Variants in MCC observed in about 807,000 individuals in gnomAD.
MCC encodes colorectal mutant cancer protein.
A neutral mutation model predicts 116.2 loss-of-function variants in MCC; 90 were observed. That is an observed-to-expected ratio of 0.77 (90% CI 0.65 to 0.92). The LOEUF is 0.92. Ranked by LOEUF, MCC falls within the 40% of genes least tolerant of loss-of-function variation. The pLI is 0.00. For missense variants in MCC, 1,516 were observed against 1,312.2 expected, an observed-to-expected ratio of 1.16 and a Z score of -2.40; for synonymous variants, 578 against 510.5, an observed-to-expected ratio of 1.13 and a Z score of -1.78.
intron 1 of MCC, among the ~76,000 whole-genome samples, chr5:113,484,588 C>G (rs1396913027): frequency 6.6e-6 from 1 of 152,124 alleles, no homozygotes; most frequent in Non-Finnish European, 1.5e-5. Context: ...TGAAAGAAAG[C>G]AATCAGTACT....
At chr5:113,196,651 C>A (rs896665550) in intron 3 of MCC, among the ~76,000 whole-genome samples, 1 of 152,116 alleles carries the variant, frequency 6.6e-6, no homozygotes, top group African/African-American at 2.4e-5. Flanking sequence ...AGATCGAGAC[C>A]ATCCTGGCTA....
intron 6 of MCC, among the ~76,000 whole-genome samples, chr5:113,114,738 G>T (rs1470671555): frequency 6.6e-6 from 1 of 152,276 alleles, no homozygotes; most frequent in African/African-American, 2.4e-5. Flanking sequence ...CTTCGGAGAG[G>T]AGTCTGGCTG....
chr5:113,141,156 C>T (rs937425149), intron 5 of MCC, among the ~76,000 whole-genome samples: 1 of 152,158 alleles, frequency 6.6e-6, no homozygotes. Flanking sequence ...TTCTCCTGCC[C>T]GTGGACATCA....
chr5:113,206,580 A>G (rs1762920183), intron 3 of MCC, among the ~76,000 whole-genome samples: 1 of 152,144 alleles, frequency 6.6e-6, no homozygotes, highest in South Asian at 2.1e-4. Context: ...ATGGTGGTTC[A>G]TGCCTGTAAT....
intron 1 of MCC, among the ~76,000 whole-genome samples, chr5:113,444,595 C>T (rs558960557): frequency 5.3e-5 from 8 of 152,292 alleles, no homozygotes; most frequent in South Asian, 2.1e-4. Flanking sequence ...TCGCCACCTA[C>T]GTGGTATTTG....
At chr5:113,116,009 G>A (rs1334382038) in intron 6 of MCC, among the ~76,000 whole-genome samples, 4 of 152,152 alleles carry the variant, frequency 2.6e-5, no homozygotes, top group African/African-American at 9.7e-5. Flanking sequence ...ACTGACCACA[G>A]CCCAGCTCTC....
chr5:113,219,811 C>T (rs1275258134), intron 3 of MCC, among the ~76,000 whole-genome samples: 3 of 152,196 alleles, frequency 2.0e-5, no homozygotes, highest in East Asian at 3.9e-4. Flanking sequence ...TCCTCTTCAT[C>T]CAGTCCAACC....
At chr5:113,305,059 GAGTC>G (rs149041679) in intron 3 of MCC, among the ~76,000 whole-genome samples, 2,471 of 152,036 alleles carry the variant, frequency 0.016, 75 homozygotes, top group African/African-American at 0.056. Context: ...AATAATAAAG[GAGTC>G]AGTTAACCTG....
intron 3 of MCC, among the ~76,000 whole-genome samples, chr5:113,261,526 A>G (rs1765218243): frequency 6.6e-6 from 1 of 152,170 alleles, no homozygotes; most frequent in Admixed American, 6.6e-5. Flanking sequence ...CAAAACTCGT[A>G]CCCAGAGGGC....
At chr5:113,326,525 C>T (rs1581401059) in intron 3 of MCC, among the ~76,000 whole-genome samples, 1 of 152,168 alleles carries the variant, frequency 6.6e-6, no homozygotes, top group East Asian at 1.9e-4. Flanking sequence ...CCCTTTAGCT[C>T]ATTTATAAGG....
At chr5:113,254,940 G>T (rs1396242367) in intron 3 of MCC, among the ~76,000 whole-genome samples, 1 of 152,138 alleles carries the variant, frequency 6.6e-6, no homozygotes. Flanking sequence ...CGAGGTGGGT[G>T]GATCACCTGA....
chr5:113,068,802 C>G (rs1216458362), intron 12 of MCC, among the ~76,000 whole-genome samples: 1 of 152,218 alleles, frequency 6.6e-6, no homozygotes, highest in Non-Finnish European at 1.5e-5. Context: ...TAGAGCAGAT[C>G]CTCCAATCCC....
At chr5:113,169,314 C>T (rs1417568271) in intron 3 of MCC, among the ~76,000 whole-genome samples, 3 of 152,056 alleles carry the variant, frequency 2.0e-5, no homozygotes, top group Admixed American at 6.6e-5. Flanking sequence ...TAATAATAAG[C>T]AAATTAACAT....
At chr5:113,362,047 C>T (rs982531875) in intron 2 of MCC, among the ~76,000 whole-genome samples, 14 of 152,222 alleles carry the variant, frequency 9.2e-5, no homozygotes, top group African/African-American at 3.1e-4. Context: ...TGAGCCAATT[C>T]TCATATTAAA....
At chr5:113,382,812 C>T (rs1323650283) in intron 2 of MCC, among the ~76,000 whole-genome samples, 1 of 152,098 alleles carries the variant, frequency 6.6e-6, no homozygotes, top group Admixed American at 6.5e-5. Flanking sequence ...TGTCTAGTGT[C>T]ATGTAGACAG....
chr5:113,391,620 A>T (rs542414029), intron 1 of MCC, among the ~76,000 whole-genome samples: 19 of 152,272 alleles, frequency 1.2e-4, no homozygotes, highest in African/African-American at 3.1e-4. Flanking sequence ...TGGAAGGCTA[A>T]GGCAGGAAGG....
chr5:113,044,062 T>C (rs1001725781), intron 16 of MCC, among the ~76,000 whole-genome samples: 1 of 152,216 alleles, frequency 6.6e-6, no homozygotes, highest in African/African-American at 2.4e-5. Context: ...AAACCCAAGC[T>C]GTGTGGCCAC....
intron 6 of MCC, among the ~76,000 whole-genome samples, chr5:113,113,382 G>C (rs1017000039): frequency 2.0e-5 from 3 of 152,090 alleles, no homozygotes; most frequent in Non-Finnish European, 4.4e-5. Context: ...AAGTAACATA[G>C]AAAATTAGAA....
intron 11 of MCC, among the ~76,000 whole-genome samples, chr5:113,074,342 C>A (rs566495836): frequency 1.9e-4 from 29 of 152,326 alleles, no homozygotes; most frequent in African/African-American, 6.5e-4. Flanking sequence ...GGAAAACTAA[C>A]AAACAGAAAG....
Sources: allele counts gnomAD v4.1 joint callset (sites outside exome capture counted in the v4.1 genomes callset), GRCh38; gene constraint gnomAD v4.1.1; transcripts MANE v1.5; gene names NCBI Gene and HGNC (gene_info 2026-07-23, HGNC 2026-07-21).